NSF: variants seen among roughly 807,000 people sequenced by gnomAD.
NSF encodes N-ethylmaleimide sensitive factor, vesicle fusing ATPase.
A neutral mutation model predicts 50.3 loss-of-function variants in NSF; 14 were observed. The ratio of observed to expected loss-of-function variants is 0.28; its 90% CI spans 0.18 to 0.44. NSF has a LOEUF of 0.44. NSF is among the 20% of genes least tolerant of loss of function. NSF has a pLI of 1.00. For synonymous variants in NSF, 109 were observed against 175.7 expected (o/e 0.62, Z 3.00); for missense variants, 218 against 504.3 (o/e 0.43, Z 5.44).
Position 46,751,610 on chromosome 17 carries a change from C to G in NSF, c.2151C>G (p.Ser717=), listed in dbSNP as rs750507104. 1 of 1,605,178 alleles carries G rather than the reference C, an allele frequency of 6.2e-7. No individual in the cohort carries two copies. Among genetic ancestry groups the G allele is most frequent in the South Asian group, 1.1e-5 (1 of 90,636 alleles). ...IKKLLMLIEM[S]LQMDPEYRVR... Reference sequence around the variant, plus strand: ...AGTTACTAATGCTGATCGAGATGTCCCTACAGGTAAGGTACTTCGTTCTCC... The same window carrying G: ...AGTTACTAATGCTGATCGAGATGTCGCTACAGGTAAGGTACTTCGTTCTCC... Residue 717 remains serine, a synonymous_variant, in exon 19 of 21, where the codon TCC becomes TCG. Coordinates refer to ENST00000398238, the MANE Select transcript of NSF (RefSeq NM_006178.4).
intron 17 of NSF, among the ~76,000 whole-genome samples, chr17:46,744,126 G>T (rs1568059038): frequency 6.6e-6 from 1 of 152,098 alleles, no homozygotes; most frequent in Non-Finnish European, 1.5e-5. Context: ...GTTTGTATTT[G>T]CGAGTGTGTT....
At chr17:46,733,635 G>T (rs965358550) in intron 17 of NSF, among the ~76,000 whole-genome samples, 7 of 152,094 alleles carry the variant, frequency 4.6e-5, no homozygotes, top group African/African-American at 1.7e-4. Flanking sequence ...GATACACTTG[G>T]GTAAGTGGAT....
intron 17 of NSF, among the ~76,000 whole-genome samples, chr17:46,735,920 G>T (rs1291779768): frequency 6.6e-6 from 1 of 152,126 alleles, no homozygotes; most frequent in Admixed American, 6.5e-5. Context: ...ACTCCATCCT[G>T]GGTGGATGGA....
intron 15 of NSF, among the ~76,000 whole-genome samples, chr17:46,723,766 C>T (rs1018932499): frequency 6.6e-6 from 1 of 152,182 alleles, no homozygotes; most frequent in African/African-American, 2.4e-5. Flanking sequence ...CACTTACCAG[C>T]ACACCCACTC....
intron 18 of NSF, among the ~76,000 whole-genome samples, chr17:46,751,039 G>A (rs1029489942): frequency 1.3e-5 from 2 of 152,122 alleles, no homozygotes; most frequent in African/African-American, 4.8e-5. Flanking sequence ...CAGCAGTGGT[G>A]GAGTCAGTAA....
In NSF at chr17:46,671,968, T is replaced by C. The variant is rs576377847; in HGVS notation, c.746-2446T>C. On this transcript the variant is annotated intron_variant, in intron 8 of 20. Coordinates refer to ENST00000398238, the MANE Select transcript of NSF (RefSeq NM_006178.4). ...AAATTAAGAGCTTCAAATAATTTTT[T>C]AAAATCCTTCATATTCTTTGAGTTT... is the stretch of plus-strand genomic sequence containing the variant. 8.5e-5 allele frequency among the ~76,000 whole-genome samples: 12 copies of C among 141,912 alleles called. No individual in the cohort carries two copies. The Admixed American group carries it at 8.7e-4, about 10-fold the overall frequency. The allele number at this position is 141,912 out of a possible 152,430, so 93.1% of individuals were successfully genotyped here. A position where few individuals can be genotyped will look rare whatever the true frequency, so the allele number is the denominator to read the frequency against.
At chr17:46,727,799 C>G (rs1165224734) in intron 16 of NSF, among the ~76,000 whole-genome samples, 1 of 152,072 alleles carries the variant, frequency 6.6e-6, no homozygotes, top group Non-Finnish European at 1.5e-5. Context: ...GAATGTGTGC[C>G]CTCTGAGTAC....
At chr17:46,716,121 T>C (rs1327794452) in intron 15 of NSF, among the ~76,000 whole-genome samples, 13 of 152,244 alleles carry the variant, frequency 8.5e-5, no homozygotes, top group Non-Finnish European at 2.9e-5. Flanking sequence ...CATTGTTACC[T>C]AATGATAGGT....
At chr17:46,739,843 C>T (rs186469922) in intron 17 of NSF, among the ~76,000 whole-genome samples, 136 of 151,994 alleles carry the variant, frequency 8.9e-4, no homozygotes, top group African/African-American at 2.7e-3. Context: ...GGACTACAGG[C>T]GCACACCACC....
intron 17 of NSF, among the ~76,000 whole-genome samples, chr17:46,744,593 T>C (rs2059109359): frequency 6.6e-6 from 1 of 152,030 alleles, no homozygotes; most frequent in Non-Finnish European, 1.5e-5. Flanking sequence ...TTCACTGCAG[T>C]ATTATATTAG....
intron 17 of NSF, among the ~76,000 whole-genome samples, chr17:46,729,772 G>A (rs1019680867): frequency 2.0e-5 from 3 of 152,094 alleles, no homozygotes; most frequent in Non-Finnish European, 2.9e-5. Context: ...CTCTTAAACT[G>A]GTGAATCTAA....
At chr17:46,716,971 T>C (rs986719644) in intron 15 of NSF, among the ~76,000 whole-genome samples, 2 of 152,246 alleles carry the variant, frequency 1.3e-5, no homozygotes, top group African/African-American at 2.4e-5. Flanking sequence ...TCCCTTTTTG[T>C]TGGACAATTA....
At chr17:46,749,283 C>T (rs2059159905) in intron 17 of NSF, among the ~76,000 whole-genome samples, 1 of 152,068 alleles carries the variant, frequency 6.6e-6, no homozygotes. Context: ...TTAAATGTGA[C>T]AATTATGGAA....
intron 14 of NSF, among the ~76,000 whole-genome samples, chr17:46,712,071 A>C (rs1281875659): frequency 6.6e-6 from 1 of 152,210 alleles, no homozygotes; most frequent in East Asian, 1.9e-4. Context: ...TTTATGATGG[A>C]GAATGGATTG....
chr17:46,734,959 G>C (rs1195584554), intron 17 of NSF, among the ~76,000 whole-genome samples: 2 of 152,152 alleles, frequency 1.3e-5, no homozygotes, highest in Admixed American at 6.5e-5. Context: ...GCTGAGGCAG[G>C]AGGATCGCTT....
At chr17:46,738,393 C>T (rs1383526071) in intron 17 of NSF, among the ~76,000 whole-genome samples, 1 of 152,100 alleles carries the variant, frequency 6.6e-6, no homozygotes, top group Admixed American at 6.5e-5. Context: ...GAAGCTTAAC[C>T]TCTTTAAATA....
chr17:46,736,805 T>C (rs1253236275), intron 17 of NSF, among the ~76,000 whole-genome samples: 3 of 152,224 alleles, frequency 2.0e-5, no homozygotes, highest in African/African-American at 7.2e-5. Context: ...AAGATTTAAT[T>C]GAATATCTGA....
At position 46,755,912 on chromosome 17, in the gene NSF, G is replaced by A. The variant is rs189442365; in HGVS notation, c.*89G>A. ...CTTCACTGTCTTACTCAAGATACTG[G>A]ACTAAGTGGAACGTTCTCTACCTTC... On this transcript the variant is annotated 3_prime_UTR_variant, in exon 21 of 21. Transcript: ENST00000398238. 7.6e-5 allele frequency: 100 copies of A among 1,322,070 alleles called. No individual in the cohort carries two copies. In the African/African-American group the frequency reaches 1.4e-3, roughly 18 times the overall value. 81.9% of individuals were successfully genotyped at this position (1,322,070 alleles called of 1,614,324 possible). A position where few individuals can be genotyped will look rare whatever the true frequency, so the allele number is the denominator to read the frequency against.
chr17:46,734,341 T>C (rs571455078), intron 17 of NSF, among the ~76,000 whole-genome samples: 1 of 152,294 alleles, frequency 6.6e-6, no homozygotes, highest in African/African-American at 2.4e-5. Context: ...CCAGACACAT[T>C]AATTTTAATC....
Sources: gnomAD v4.1 joint callset for allele counts (sites outside exome capture counted in the v4.1 genomes callset) on GRCh38, gnomAD v4.1.1 for gene constraint, MANE v1.5 for transcripts, NCBI Gene and HGNC (gene_info 2026-07-23, HGNC 2026-07-21) for gene names.